Variants in ZNF560 observed in about 807,000 individuals in gnomAD.
ZNF560 encodes zinc finger protein 560.
In ZNF560, 54 loss-of-function variants were observed where a neutral mutation model predicts 81.8. The ratio of observed to expected loss-of-function variants is 0.66; its 90% CI spans 0.53 to 0.83. The LOEUF (loss-of-function observed/expected upper bound fraction) is 0.83. Among genes scored for constraint, ZNF560 ranks in the 40% least tolerant of loss-of-function variants. The pLI is 0.00. For synonymous variants in ZNF560, 321 were observed against 317.9 expected (o/e 1.01, Z -0.10); for missense variants, 940 against 932.4 (o/e 1.01, Z -0.11).
downstream of ZNF560, among the ~76,000 whole-genome samples, chr19:9,463,221 A>T (rs1197988514): frequency 6.6e-6 from 1 of 152,200 alleles, no homozygotes; most frequent in East Asian, 1.9e-4. Flanking sequence ...GTATACAAAG[A>T]TCAAGTGATT....
intron 6 of ZNF560, among the ~76,000 whole-genome samples, chr19:9,470,747 A>C (rs529882051): frequency 6.6e-6 from 1 of 152,290 alleles, no homozygotes; most frequent in East Asian, 1.9e-4. Flanking sequence ...TATCAACCAC[A>C]ACTAGACCGG....
intron 2 of ZNF560, 143 bp downstream of exon 2, chr19:9,497,985 G>T (rs2073589162): frequency 6.6e-6 from 1 of 152,150 alleles, no homozygotes; most frequent in Admixed American, 6.5e-5. Context: ...AACTAAGAAA[G>T]CACCTTTCTA....
intron 4 of ZNF560, among the ~76,000 whole-genome samples, chr19:9,473,536 C>T (rs1392622834): frequency 6.6e-6 from 1 of 151,788 alleles, no homozygotes; most frequent in African/African-American, 2.4e-5. Context: ...CGAGATCATG[C>T]CACTGCACTC....
intron 2 of ZNF560, among the ~76,000 whole-genome samples, chr19:9,477,717 T>C (rs2073224769): frequency 6.6e-6 from 1 of 152,188 alleles, no homozygotes. Context: ...GTTCTCTTTT[T>C]CCTAAAATTT....
chr19:9,463,631 C>A (rs1422922064), downstream of ZNF560, among the ~76,000 whole-genome samples: 1 of 152,210 alleles, frequency 6.6e-6, no homozygotes, highest in East Asian at 1.9e-4. Flanking sequence ...GAAACCCTTT[C>A]CTCTCCATAA....
downstream of ZNF560, among the ~76,000 whole-genome samples, chr19:9,464,094 A>G (rs577315723): frequency 3.3e-5 from 5 of 152,330 alleles, no homozygotes; most frequent in South Asian, 2.1e-4. Flanking sequence ...TGTACATGAT[A>G]TAACAGAAAT....
intron 2 of ZNF560, among the ~76,000 whole-genome samples, chr19:9,489,886 G>A (rs192027315): frequency 8.5e-5 from 13 of 152,240 alleles, no homozygotes; most frequent in East Asian, 5.8e-4. Flanking sequence ...CACTGCACCC[G>A]GCCAGTCTCT....
chr19:9,480,212 A>G (rs181429758), intron 2 of ZNF560, among the ~76,000 whole-genome samples: 1 of 152,326 alleles, frequency 6.6e-6, no homozygotes, highest in Non-Finnish European at 1.5e-5. Context: ...AAGATAGATC[A>G]TATGTTAGGT....
In ZNF560 at chr19:9,467,165, G is replaced by A. The variant is rs749825796; in HGVS notation, c.1782C>T (p.His594=). ...TACATTCATATGGCTTCTCTCCACT[G>A]TGTCTTCGTAAATGTTTAGTAAGGT... ...RSYLTKHLRR[H]SGEKPYECKK... is the part of the protein sequence containing the mutation. Residue 594 remains histidine (H), a synonymous_variant, in exon 10 of 10, where the codon CAC becomes CAT. Coordinates refer to ENST00000301480, the MANE Select transcript of ZNF560 (RefSeq NM_152476.3). The A allele has an allele frequency of 6.2e-7, 1 of 1,613,670 alleles. No individual in the cohort carries two copies. The highest frequency in any genetic ancestry group is 8.5e-7 in the Non-Finnish European group (1 of 1,179,946).
chr19:9,499,895 G>A (rs531202234), upstream of ZNF560, among the ~76,000 whole-genome samples: 2 of 152,098 alleles, frequency 1.3e-5, no homozygotes, highest in East Asian at 3.8e-4. Flanking sequence ...CTGGTGTATA[G>A]ATACAAAACT....
chr19:9,504,225 A>G, the ZNF560 span, among the ~76,000 whole-genome samples: 3 of 152,256 alleles, frequency 2.0e-5, no homozygotes, highest in East Asian at 5.8e-4. Context: ...ATTTGAGGTC[A>G]GGAGTTGGAG....
intron 2 of ZNF560, among the ~76,000 whole-genome samples, chr19:9,484,800 G>C: frequency 7.2e-6 from 1 of 139,008 alleles, no homozygotes; most frequent in Middle Eastern, 3.5e-3. Flanking sequence ...AAGTAAATAA[G>C]TAAATAAATA....
At chr19:9,470,977 C>T (rs998996414) in intron 6 of ZNF560, among the ~76,000 whole-genome samples, 1 of 152,128 alleles carries the variant, frequency 6.6e-6, no homozygotes, top group African/African-American at 2.4e-5. Flanking sequence ...AGGGTAATTC[C>T]TCACCAATAT....
At chr19:9,459,024 A>T in the ZNF560 span, among the ~76,000 whole-genome samples, 1 of 152,222 alleles carries the variant, frequency 6.6e-6, no homozygotes, top group Admixed American at 6.5e-5. Context: ...GGTGATGGGC[A>T]TTCCAGCTTC....
chr19:9,450,222 C>T, the ZNF560 span, among the ~76,000 whole-genome samples: 68 of 151,078 alleles, frequency 4.5e-4, no homozygotes, highest in African/African-American at 1.4e-3. Context: ...ACCCGGGAGG[C>T]GGAGGTTGCA....
chr19:9,503,417 G>A (rs936040718), upstream of ZNF560, among the ~76,000 whole-genome samples: 4 of 152,146 alleles, frequency 2.6e-5, no homozygotes, highest in Non-Finnish European at 4.4e-5. Context: ...CAAGGCACAA[G>A]CAGATTCAAT....
chr19:9,479,098 A>G (rs939370448), intron 2 of ZNF560, among the ~76,000 whole-genome samples: 1 of 152,048 alleles, frequency 6.6e-6, no homozygotes, highest in Admixed American at 6.6e-5. Context: ...TGGGCAGGAG[A>G]ATCGCTTGAA....
Position 9,466,649 on chromosome 19 carries a change from T to G in ZNF560, c.2298A>C (p.Lys766Asn). 6.2e-7 allele frequency: 1 copy of G among 1,613,738 alleles called. No homozygotes were observed. Among genetic ancestry groups the G allele is most frequent in the Non-Finnish European group, 8.5e-7 (1 of 1,179,832 alleles). ...TCCCACACTGGTCACATTCAAAGGGTTTCTCTCCCATATGAGTTCTTAAAT... is the reference window on the plus strand; with the variant it reads ...TCCCACACTGGTCACATTCAAAGGGGTTCTCTCCCATATGAGTTCTTAAAT... ...IQHLRTHMGE[K>N]PFECDQCGKA... The change falls in exon 10 of 10, where the codon AAA (lysine) becomes AAC (asparagine). Residue 766 changes from lysine to asparagine, a missense_variant. Physicochemically the swap from Lys to Asn is moderately conservative, Grantham distance 94. Coordinates refer to ENST00000301480, the MANE Select transcript of ZNF560 (RefSeq NM_152476.3).
chr19:9,492,341 C>T (rs896614971), intron 2 of ZNF560, among the ~76,000 whole-genome samples: 7 of 152,166 alleles, frequency 4.6e-5, no homozygotes, highest in African/African-American at 1.7e-4. Context: ...GGAATAGACT[C>T]GTGTTCTGGA....
Sources: allele counts gnomAD v4.1 joint callset (sites outside exome capture counted in the v4.1 genomes callset), GRCh38; gene constraint gnomAD v4.1.1; transcripts MANE v1.5; gene names NCBI Gene and HGNC (gene_info 2026-07-23, HGNC 2026-07-21).